ADGRL3: variants seen among roughly 807,000 people sequenced by gnomAD.
ADGRL3 encodes calcium-independent alpha-latrotoxin receptor 3.
In ADGRL3, 62 loss-of-function variants were observed where a neutral mutation model predicts 153.5. The ratio of observed to expected loss-of-function variants is 0.40; its 90% CI spans 0.33 to 0.50. ADGRL3 has a LOEUF of 0.50. Among genes scored for constraint, ADGRL3 ranks in the 20% least tolerant of loss-of-function variants. The pLI, the probability that ADGRL3 is intolerant of heterozygous loss-of-function variation, is 0.47. For missense variants in ADGRL3, 1,641 were observed against 1,859.4 expected (o/e 0.88, Z 2.16); for synonymous variants, 710 against 672.5 (o/e 1.06, Z -0.86).
chr4:61,247,141 A>G lies in ADGRL3; in HGVS notation c.-240+45376A>G, dbSNP rs114208498. Among the ~76,000 whole-genome samples, 484 of 152,174 alleles carry G rather than the reference A, an allele frequency of 3.2e-3. 4 individuals are homozygous for G. The highest frequency in any genetic ancestry group is 4.9e-3 in the Non-Finnish European group (332 of 67,976). On this transcript the variant is annotated intron_variant, in intron 1 of 26. Coordinates refer to ENST00000683033, the MANE Select transcript of ADGRL3 (RefSeq NM_001387552.1). ...TGGCTTTCAAACCATGATGAAAAGC[A>G]GTCACTTTTTTTTTAGCTAAATTCA...
At chr4:61,765,427 CT>C (rs2096965045) in intron 8 of ADGRL3, among the ~76,000 whole-genome samples, 2 of 152,064 alleles carry the variant, frequency 1.3e-5, no homozygotes, top group African/African-American at 2.4e-5. Flanking sequence ...TTGTCCAGTC[CT>C]TTTTAAGTTG....
At chr4:62,006,053 AG>A (rs578080568) in intron 21 of ADGRL3, among the ~76,000 whole-genome samples, 1,943 of 111,330 alleles carry the variant, frequency 0.017, 95 homozygotes, top group African/African-American at 0.063. Flanking sequence ...TTTTTGAGAA[AG>A]GGTTTTGCTC....
chr4:61,604,667 T>C (rs1328797486), intron 5 of ADGRL3, among the ~76,000 whole-genome samples: 1 of 152,216 alleles, frequency 6.6e-6, no homozygotes, highest in Non-Finnish European at 1.5e-5. Flanking sequence ...CTAACATTTC[T>C]TGTTTTTTAA....
At chr4:61,398,110 T>C (rs1254954217) in intron 2 of ADGRL3, among the ~76,000 whole-genome samples, 1 of 151,912 alleles carries the variant, frequency 6.6e-6, no homozygotes, top group Admixed American at 6.6e-5. Context: ...ACAAAATCAT[T>C]GAACAATGTC....
chr4:61,727,807 G>A (rs2096375305), intron 6 of ADGRL3, among the ~76,000 whole-genome samples: 1 of 152,076 alleles, frequency 6.6e-6, no homozygotes, highest in African/African-American at 2.4e-5. Flanking sequence ...ATTTTATATA[G>A]TGAATGCAGA....
intron 1 of ADGRL3, among the ~76,000 whole-genome samples, chr4:61,259,383 A>G (rs2092315626): frequency 6.6e-6 from 1 of 151,948 alleles, no homozygotes; most frequent in Non-Finnish European, 1.5e-5. Context: ...AGATTGCGCC[A>G]CTGCACTCCA....
chr4:61,830,317 C>T (rs1172664964), intron 9 of ADGRL3, among the ~76,000 whole-genome samples: 1 of 152,098 alleles, frequency 6.6e-6, no homozygotes, highest in Admixed American at 6.5e-5. Flanking sequence ...TGAGCTAACT[C>T]CACAACTCTA....
chr4:62,005,343 T>G (rs924124568), intron 21 of ADGRL3, among the ~76,000 whole-genome samples: 1 of 152,210 alleles, frequency 6.6e-6, no homozygotes. Context: ...ATAAGTGTAT[T>G]TAACATATTT....
At chr4:61,833,459 A>G (rs62304393) in intron 9 of ADGRL3, among the ~76,000 whole-genome samples, 3,646 of 152,256 alleles carry the variant, frequency 0.024, 68 homozygotes, top group Non-Finnish European at 0.039. Flanking sequence ...TTTAAGGACA[A>G]CTTGGTGGGT....
intron 21 of ADGRL3, among the ~76,000 whole-genome samples, chr4:62,022,525 T>C (rs570183715): frequency 2.0e-5 from 3 of 152,304 alleles, no homozygotes; most frequent in South Asian, 4.1e-4. Flanking sequence ...CATCTGGAAC[T>C]TTATTAGCTA....
chr4:61,710,084 T>C lies in ADGRL3; in HGVS notation c.584-20538T>C, dbSNP rs547281380. Reference sequence around the variant, plus strand: ...TAACAGAAGTTACTTTTATAGACATTTAAAAATGAAATGAGTTCTTCATCT... The same window carrying C: ...TAACAGAAGTTACTTTTATAGACATCTAAAAATGAAATGAGTTCTTCATCT... On this transcript the variant is annotated intron_variant, in intron 6 of 26. Transcript: ENST00000683033. Among the ~76,000 whole-genome samples the C allele has an allele frequency of 1.1e-4, 16 of 152,308 alleles. No homozygotes were observed. The South Asian group carries it at 3.1e-3, about 30-fold the overall frequency.
chr4:61,331,211 A>G (rs1232458864), intron 1 of ADGRL3, among the ~76,000 whole-genome samples: 2 of 152,228 alleles, frequency 1.3e-5, no homozygotes, highest in Non-Finnish European at 2.9e-5. Flanking sequence ...TAACTCTAGT[A>G]TAAATACCTA....
chr4:61,712,742 C>T (rs758259691), intron 6 of ADGRL3, among the ~76,000 whole-genome samples: 1 of 152,150 alleles, frequency 6.6e-6, no homozygotes, highest in African/African-American at 2.4e-5. Context: ...ACTTTGGTCA[C>T]CTATTTAAAT....
chr4:61,532,203 T>C (rs2098622738), intron 4 of ADGRL3, among the ~76,000 whole-genome samples: 2 of 152,178 alleles, frequency 1.3e-5, no homozygotes, highest in South Asian at 4.1e-4. Flanking sequence ...CGTGACTGCA[T>C]CTAGACAGAA....
chr4:61,861,740 G>C (rs116663381), intron 9 of ADGRL3, among the ~76,000 whole-genome samples: 1 of 151,946 alleles, frequency 6.6e-6, no homozygotes, highest in Non-Finnish European at 1.5e-5. Context: ...CCATGTCTAC[G>C]GACACAGCCA....
chr4:61,252,830 C>G (rs1480682061), intron 1 of ADGRL3, among the ~76,000 whole-genome samples: 1 of 152,016 alleles, frequency 6.6e-6, no homozygotes, highest in African/African-American at 2.4e-5. Flanking sequence ...TTCTGCTCAT[C>G]ATGTCTGCTA....
chr4:61,300,805 A>G (rs1161635088), intron 1 of ADGRL3, among the ~76,000 whole-genome samples: 6 of 140,992 alleles, frequency 4.3e-5, no homozygotes, highest in East Asian at 2.1e-4. Context: ...TCGCTCTGGC[A>G]CCCAGGCTGG....
rs936553084 is a variant in ADGRL3 at position 61,645,620 on chromosome 4, C to G, written c.474-31206C>G. Among the ~76,000 whole-genome samples, 10 of 152,192 alleles carry G rather than the reference C, an allele frequency of 6.6e-5. 1 individual carries two copies. The highest frequency in any genetic ancestry group is 1.7e-4 in the African/African-American group (7 of 41,436). On this transcript the variant is annotated intron_variant, in intron 5 of 26. Coordinates refer to ENST00000683033, the MANE Select transcript of ADGRL3 (RefSeq NM_001387552.1). ...ACAATGTTGAATATTGTCCCCCACT[C>G]TCTTCTGGCTTGTAGAGTTTCTGCC...
chr4:61,748,633 G>A (rs1276050080), intron 8 of ADGRL3, among the ~76,000 whole-genome samples: 3 of 152,092 alleles, frequency 2.0e-5, no homozygotes, highest in Non-Finnish European at 2.9e-5. Flanking sequence ...TTAATAAATG[G>A]TGTTGGGAAA....
Sources: gnomAD v4.1 joint callset for allele counts (sites outside exome capture counted in the v4.1 genomes callset) on GRCh38, gnomAD v4.1.1 for gene constraint, MANE v1.5 for transcripts, NCBI Gene and HGNC (gene_info 2026-07-23, HGNC 2026-07-21) for gene names.